NFE2L2: variants seen among roughly 807,000 people sequenced by gnomAD.
NFE2L2 encodes NFE2 like bZIP transcription factor 2.
A neutral mutation model predicts 49.6 loss-of-function variants in NFE2L2; 20 were observed. The observed-to-expected ratio is 0.40, with a 90% CI of 0.28 to 0.59. The LOEUF is 0.59. Ranked by LOEUF, NFE2L2 falls within the 20% of genes least tolerant of loss-of-function variation. NFE2L2 has a pLI of 0.40. For missense variants in NFE2L2, 578 were observed against 714.2 expected, an observed-to-expected ratio of 0.81 and a Z score of 2.17; for synonymous variants, 244 against 256.5, an observed-to-expected ratio of 0.95 and a Z score of 0.47.
intron 1 of NFE2L2, among the ~76,000 whole-genome samples, chr2:177,248,891 C>G (rs974627772): frequency 6.6e-6 from 1 of 152,094 alleles, no homozygotes. Flanking sequence ...CATTATCAAG[C>G]GCAAACCTGG....
At chr2:177,247,426 C>T (rs1325531524) in intron 1 of NFE2L2, among the ~76,000 whole-genome samples, 1 of 152,092 alleles carries the variant, frequency 6.6e-6, no homozygotes, top group Non-Finnish European at 1.5e-5. Context: ...CTTTGGGAGG[C>T]CGAGGCAGGT....
At position 177,241,118 on chromosome 2, in the gene NFE2L2, T is replaced by C. The variant is rs150511755; in HGVS notation, c.46-6847A>G. 4.3e-3 allele frequency among the ~76,000 whole-genome samples: 653 copies of C among 152,256 alleles called. 6 individuals are homozygous for C. The highest frequency in any genetic ancestry group is 0.015 in the African/African-American group (624 of 41,550). ...AATTAATTATACACACTACTAACTCTCAACAGAAAGCGAAACTGAGCCTTG... is the reference window on the plus strand; with the variant it reads ...AATTAATTATACACACTACTAACTCCCAACAGAAAGCGAAACTGAGCCTTG... On this transcript the variant is annotated intron_variant, in intron 1 of 4. Coordinates refer to ENST00000397062, the MANE Select transcript of NFE2L2 (RefSeq NM_006164.5).
intron 1 of NFE2L2, among the ~76,000 whole-genome samples, chr2:177,249,217 C>CATA (rs1690246402): frequency 6.9e-6 from 1 of 145,942 alleles, no homozygotes; most frequent in Non-Finnish European, 1.5e-5. Context: ...ACCCGGTCTC[C>CATA]ATAAATAAAT....
At position 177,231,770 on chromosome 2, in the gene NFE2L2, T is replaced by C. The variant is rs375627384; in HGVS notation, c.833A>G (p.Asn278Ser). The change falls in exon 5 of 5, where the codon AAC becomes AGC. Residue 278 changes from asparagine to serine, a missense_variant. Asn to Ser is a conservative substitution (Grantham distance 46, BLOSUM62 1). Transcript: ENST00000397062. The stretch of plus-strand genomic sequence containing the variant: ...ATAAAATTCATCACCAAAATCTGTG[T>C]TGACTGTGGCATCTGAATTTAATGA... ...VNSLNSDATV[N>S]TDFGDEFYSA... 122 of 1,614,116 alleles carry C rather than the reference T, an allele frequency of 7.6e-5. No individual in the cohort carries two copies. The highest frequency in any genetic ancestry group is 9.5e-5 in the Non-Finnish European group (112 of 1,180,046).
Position 177,230,426 on chromosome 2 carries a change from G to T in NFE2L2, c.*359C>A. 1 of 240,150 alleles carries T rather than the reference G, an allele frequency of 4.2e-6. No homozygotes were observed. The highest frequency in any genetic ancestry group is 8.1e-6 in the Non-Finnish European group (1 of 123,520). The allele number at this position is 240,150 out of a possible 1,614,324, so 14.9% of individuals were successfully genotyped here. A position where few individuals can be genotyped will look rare whatever the true frequency, so the allele number is the denominator to read the frequency against. ...TTGTCCATACAGTATTTATAAAAAA[G>T]TACATAGTGGTTAGTTTTGCAATAA... On this transcript the variant is annotated 3_prime_UTR_variant, in exon 5 of 5. Coordinates refer to ENST00000397062, the MANE Select transcript of NFE2L2 (RefSeq NM_006164.5).
At chr2:177,233,170 G>A (rs748608330) in intron 3 of NFE2L2, 80 bp downstream of exon 3, 1 of 1,169,822 alleles carries the variant, frequency 8.5e-7, no homozygotes, top group African/African-American at 1.7e-5. Context: ...GAGATTCATT[G>A]ACGGGACTTA....
At chr2:177,254,501 C>T (rs1008907701) in intron 1 of NFE2L2, among the ~76,000 whole-genome samples, 25 of 152,168 alleles carry the variant, frequency 1.6e-4, no homozygotes, top group Non-Finnish European at 2.9e-4. Flanking sequence ...TCCACTGGGG[C>T]GGTTGTATCA....
rs1689537369 is a variant in NFE2L2 at position 177,231,283 on chromosome 2, T to C, written c.1320A>G (p.Pro440=). ...GGCTTGAATGTTTGTCTTTTGTGAA[T>C]GGGGTTTTCCGATGACCAGGACTTA... is the stretch of plus-strand genomic sequence containing the variant. ...LPVSPGHRKT[P]FTKDKHSSRL... is the part of the protein sequence containing the mutation. The change falls in exon 5 of 5, where the codon CCA becomes CCG. Residue 440 remains proline (P), a synonymous_variant. Transcript: ENST00000397062. The C allele has an allele frequency of 3.1e-6, 5 of 1,614,102 alleles. No homozygotes were observed. The East Asian group carries it at 1.1e-4, about 36-fold the overall frequency.
At chr2:177,255,087 G>A (rs919664098) in intron 1 of NFE2L2, among the ~76,000 whole-genome samples, 1 of 152,210 alleles carries the variant, frequency 6.6e-6, no homozygotes, top group African/African-American at 2.4e-5. Context: ...CTGTAGCACA[G>A]AGCAAGAGCC....
chr2:177,251,771 C>T (rs1036905318), intron 1 of NFE2L2, among the ~76,000 whole-genome samples: 5 of 151,628 alleles, frequency 3.3e-5, no homozygotes, highest in South Asian at 4.2e-4. Flanking sequence ...TTTGGGAGGC[C>T]GAGGTGGGCG....
chr2:177,237,930 A>G (rs954113087), intron 1 of NFE2L2, among the ~76,000 whole-genome samples: 15 of 152,252 alleles, frequency 9.9e-5, no homozygotes, highest in Admixed American at 5.2e-4. Flanking sequence ...TATCTGCCCA[A>G]GCAAGGTATT....
At chr2:177,235,268 CAAAA>C (rs1365771943) in intron 1 of NFE2L2, among the ~76,000 whole-genome samples, 1 of 151,038 alleles carries the variant, frequency 6.6e-6, no homozygotes, top group African/African-American at 2.4e-5. Flanking sequence ...TCTACCAAAA[CAAAA>C]ACAAACAACA....
chr2:177,249,481 T>G lies in NFE2L2; in HGVS notation c.45+15051A>C, dbSNP rs1690257057. The stretch of plus-strand genomic sequence containing the variant: ...GATCCTTTCCTCTAAATACCTCTGA[T>G]TCTATGAAGTCCATAAGTCTGAAAA... On this transcript the variant is annotated intron_variant, in intron 1 of 4. Transcript: ENST00000397062. 2.0e-5 allele frequency among the ~76,000 whole-genome samples: 3 copies of G among 152,192 alleles called. No individual in the cohort carries two copies. The South Asian group carries it at 6.2e-4, about 32-fold the overall frequency.
Position 177,234,250 on chromosome 2 carries a change from G to A in NFE2L2, c.67C>T (p.Leu23Phe), listed in dbSNP as rs2105459661. Residue 23 changes from leucine (L) to phenylalanine (F), a missense_variant, in exon 2 of 5, where the codon CTT (leucine) becomes TTT (phenylalanine). Around this residue, in one of 3 missense-constraint regions of NFE2L2, gnomAD observed 93 missense variants for 153.9 expected, o/e 0.60. Coordinates refer to ENST00000397062, the MANE Select transcript of NFE2L2 (RefSeq NM_006164.5). Reference protein sequence around the residue: ...SQQDMDLIDILWRQDIDLGVS... With the variant: ...SQQDMDLIDIFWRQDIDLGVS... Reference sequence around the variant, plus strand: ...CCAAGATCTATATCTTGCCTCCAAAGTATGTCAATCAAATCCATGTCCTAT... The same window carrying A: ...CCAAGATCTATATCTTGCCTCCAAAATATGTCAATCAAATCCATGTCCTAT... The A allele has an allele frequency of 6.2e-7, 1 of 1,611,436 alleles. No homozygotes were observed. The highest frequency in any genetic ancestry group is 8.5e-7 in the Non-Finnish European group (1 of 1,179,486).
intron 1 of NFE2L2, among the ~76,000 whole-genome samples, chr2:177,235,422 G>GT (rs1558981726): frequency 1.3e-5 from 2 of 151,864 alleles, no homozygotes; most frequent in Non-Finnish European, 2.9e-5. Context: ...GGGCAACAAA[G>GT]TGAGACCCTG....
chr2:177,246,713 C>A (rs1378225621), intron 1 of NFE2L2, among the ~76,000 whole-genome samples: 1 of 151,724 alleles, frequency 6.6e-6, no homozygotes. Context: ...AATCTTCCCA[C>A]CTCAGCCTCC....
chr2:177,247,849 G>GCAGAGGCTGGGGTACCCGCAGATAAGA (rs2105477707), intron 1 of NFE2L2, among the ~76,000 whole-genome samples: 1 of 152,320 alleles, frequency 6.6e-6, no homozygotes, highest in South Asian at 2.1e-4. Context: ...GGCAAGGAAT[G>GCAGAGGCTGGGGTACCCGCAGATAAGA]CAGAGGCTGG....
At chr2:177,233,855 AACTCATC>A in intron 2 of NFE2L2, 143 bp downstream of exon 2, 1 of 978,560 alleles carries the variant, frequency 1.0e-6, no homozygotes, top group Non-Finnish European at 1.5e-6. Flanking sequence ...TTAGGTACTG[AACTCATC>A]AGGAGGCTGA....
chr2:177,262,109 G>A (rs1296267955), intron 1 of NFE2L2, among the ~76,000 whole-genome samples: 2 of 152,206 alleles, frequency 1.3e-5, no homozygotes, highest in South Asian at 4.1e-4. Flanking sequence ...AAAGACTGAT[G>A]TGAGTTATGC....
Sources: allele counts gnomAD v4.1 joint callset (sites outside exome capture counted in the v4.1 genomes callset), GRCh38; gene constraint gnomAD v4.1.1; regional missense constraint gnomAD v4.1.1; transcripts MANE v1.5; gene names NCBI Gene and HGNC (gene_info 2026-07-23, HGNC 2026-07-21).